The following KLHL10 variants were observed in gnomAD, a reference collection of about 807,000 sequenced individuals.
The protein encoded by KLHL10 is kelch-like protein 10.
KLHL10 carries 11 observed loss-of-function variants against 46.6 expected under a neutral mutation model. That is an observed-to-expected ratio of 0.24 (90% CI 0.15 to 0.39). The LOEUF is 0.39. KLHL10 is among the 10% of genes least tolerant of loss of function. The pLI, the probability that KLHL10 is intolerant of heterozygous loss-of-function variation, is 1.00. For missense variants in KLHL10, 475 were observed against 789.8 expected (o/e 0.60, Z 4.78); for synonymous variants, 254 against 279.1 (o/e 0.91, Z 0.90).
rs1555621661 is a variant in KLHL10 at position 41,848,018 on chromosome 17, T to C, written c.1538T>C (p.Met513Thr). The change falls in exon 5 of 5, where the codon ATG becomes ACG. Residue 513 changes from methionine (M) to threonine (T), a missense_variant. By Grantham distance (81) the Met-to-Thr change is moderately conservative. Coordinates refer to ENST00000293303, the MANE Select transcript of KLHL10 (RefSeq NM_152467.5). ...AACACTTGGCGCACAATCCCCACTA[T>C]GTTTAATCCTCGTAGCAATTTTGGC... ...VANTWRTIPT[M>T]FNPRSNFGIE... 1.9e-6 allele frequency: 3 copies of C among 1,614,116 alleles called. No individual in the cohort carries two copies. Among genetic ancestry groups the C allele is most frequent in the Non-Finnish European group, 1.7e-6 (2 of 1,180,044 alleles).
intron 1 of KLHL10, among the ~76,000 whole-genome samples, chr17:41,841,359 G>A (rs781877631): frequency 3.3e-5 from 5 of 152,104 alleles, no homozygotes; most frequent in Admixed American, 6.6e-5. Flanking sequence ...GTGTCCCCCA[G>A]GCTGGAGTGT....
At chr17:41,846,012 C>T (rs2048281026) in intron 3 of KLHL10, among the ~76,000 whole-genome samples, 1 of 151,876 alleles carries the variant, frequency 6.6e-6, no homozygotes, top group African/African-American at 2.4e-5. Flanking sequence ...GAGTTCAAGA[C>T]CAGCCTGGCC....
In KLHL10 at chr17:41,842,019, T is replaced by C. The variant is rs1429940914; in HGVS notation, c.391T>C (p.Phe131Leu). Residue 131 changes from phenylalanine to leucine, a missense_variant, in exon 2 of 5, where the codon TTC becomes CTC. Coordinates refer to ENST00000293303, the MANE Select transcript of KLHL10 (RefSeq NM_152467.5). Reference sequence around the variant, plus strand: ...GGGTATCGTCAGGGGTTGCTGCGAGTTCCTCAAGTCAGAGCTGTGCTTGGA... The same window carrying C: ...GGGTATCGTCAGGGGTTGCTGCGAGCTCCTCAAGTCAGAGCTGTGCTTGGA... Reference protein sequence around the residue: ...IMGIVRGCCEFLKSELCLDNC... With the variant: ...IMGIVRGCCELLKSELCLDNC... The C allele has an allele frequency of 6.2e-7, 1 of 1,613,968 alleles. No homozygotes were observed. The highest frequency in any genetic ancestry group is 1.3e-5 in the African/African-American group (1 of 74,886).
chr17:41,847,143 A>G, intron 3 of KLHL10, 118 bp from the exon 4 acceptor site: 1 of 924,138 alleles, frequency 1.1e-6, no homozygotes, highest in Non-Finnish European at 1.8e-6. Flanking sequence ...TGCACATACA[A>G]AAAAAAGAAA....
upstream of KLHL10, chr17:41,835,909 C>A (rs868954214): frequency 6.2e-7 from 1 of 1,607,840 alleles, no homozygotes; most frequent in Non-Finnish European, 8.5e-7. Flanking sequence ...ATCTCCTGCA[C>A]CCGCCCAGGC....
intron 2 of KLHL10, 56 bp downstream of exon 2, chr17:41,842,368 T>G: frequency 6.2e-7 from 1 of 1,606,226 alleles, no homozygotes; most frequent in African/African-American, 1.3e-5. Context: ...AAAGCAAAAT[T>G]CAGACATATG....
intron 2 of KLHL10, among the ~76,000 whole-genome samples, chr17:41,843,125 CAAAA>C (rs34537711): frequency 8.1e-6 from 1 of 123,130 alleles, no homozygotes. Flanking sequence ...GACCCTGTCT[CAAAA>C]AAAAAAAAAA....
rs36065902 is a variant in KLHL10, at chr17:41,841,870, A to T, written c.242A>T (p.Asn81Ile). 651 of 1,614,200 alleles carry T rather than the reference A, an allele frequency of 4.0e-4. 2 individuals are homozygous for T. The highest frequency in any genetic ancestry group is 1.5e-3 in the Middle Eastern group (9 of 6,062). The change falls in exon 2 of 5, where the codon AAC becomes ATC. Residue 81 changes from asparagine (N) to isoleucine (I), a missense_variant. Physicochemically the swap from Asn to Ile is moderately radical, Grantham distance 149 (BLOSUM62 -3). Coordinates refer to ENST00000293303, the MANE Select transcript of KLHL10 (RefSeq NM_152467.5). The stretch of plus-strand genomic sequence containing the variant: ...AACAACACTGAAAAGAAGGTATACA[A>T]CATCCCTGGCATTTCTCCCGACATG... ...GWNNTEKKVY[N>I]IPGISPDMMK...
Position 41,848,205 on chromosome 17 carries a change from G to A in KLHL10, c.1725G>A (p.Leu575=), listed in dbSNP as rs183884459. 41 of 1,614,124 alleles carry A rather than the reference G, an allele frequency of 2.5e-5. No homozygotes were observed. The Admixed American group carries it at 6.7e-4, about 26-fold the overall frequency. ...SALSCCVVPG[L]ANVEEYAARR... ...TGAGCTGCTGTGTAGTACCAGGGCTGGCCAATGTTGAGGAATATGCAGCTA... is the reference window on the plus strand; with the variant it reads ...TGAGCTGCTGTGTAGTACCAGGGCTAGCCAATGTTGAGGAATATGCAGCTA... Residue 575 remains leucine, a synonymous_variant, in exon 5 of 5, where the codon CTG becomes CTA. Transcript: ENST00000293303.
intron 1 of KLHL10, among the ~76,000 whole-genome samples, chr17:41,840,956 T>C (rs1555620653): frequency 2.0e-5 from 3 of 151,906 alleles, no homozygotes; most frequent in Admixed American, 1.3e-4. Flanking sequence ...CTGGCCAACA[T>C]GGTGAAATCG....
At chr17:41,841,095 A>G (rs1456079129) in intron 1 of KLHL10, among the ~76,000 whole-genome samples, 1 of 151,810 alleles carries the variant, frequency 6.6e-6, no homozygotes, top group African/African-American at 2.4e-5. Flanking sequence ...AGCCAAGATC[A>G]TGCCATTGCA....
intron 1 of KLHL10, 86 bp from the exon 2 acceptor site, chr17:41,841,737 A>C: frequency 6.6e-7 from 1 of 1,522,910 alleles, no homozygotes; most frequent in East Asian, 2.3e-5. Flanking sequence ...ACATGCCTGC[A>C]CCCCACTTTC....
chr17:41,837,561 A>G (rs1597930568), upstream of KLHL10: 1 of 1,063,518 alleles, frequency 9.4e-7, no homozygotes, highest in East Asian at 7.3e-5. Context: ...AGGTAGATGA[A>G]TGCTCCAGGG....
At chr17:41,837,028 C>T (rs1020370455), upstream of KLHL10, among the ~76,000 whole-genome samples, 6 of 152,174 alleles carry the variant, frequency 3.9e-5, no homozygotes, top group Non-Finnish European at 5.9e-5. Context: ...GGGCACGGTG[C>T]GGAGCACTTG....
intron 1 of KLHL10, among the ~76,000 whole-genome samples, chr17:41,841,339 G>A (rs1397081403): frequency 6.6e-6 from 1 of 152,018 alleles, no homozygotes; most frequent in Admixed American, 6.6e-5. Context: ...TTTTCAGACA[G>A]AGTCTCGCTG....
intron 1 of KLHL10, among the ~76,000 whole-genome samples, chr17:41,840,005 G>A (rs532909788): frequency 4.0e-5 from 6 of 151,858 alleles, no homozygotes; most frequent in African/African-American, 7.3e-5. Flanking sequence ...TCAGCCTCCC[G>A]AGTAGCTGGG....
chr17:41,847,584 C>T (rs1383491974), intron 4 of KLHL10, among the ~76,000 whole-genome samples, 174 bp downstream of exon 4: 1 of 151,968 alleles, frequency 6.6e-6, no homozygotes, highest in East Asian at 1.9e-4. Flanking sequence ...CGGCTCACTG[C>T]AAGCTCTGCC....
intron 1 of KLHL10, 115 bp from the exon 2 acceptor site, chr17:41,841,708 C>T: frequency 8.3e-7 from 1 of 1,206,198 alleles, no homozygotes; most frequent in Non-Finnish European, 1.2e-6. Context: ...AGGTGTTCTT[C>T]TTGTCCACTG....
At position 41,847,338 on chromosome 17, in the gene KLHL10, GAC is replaced by G. The variant is rs1160392936; in HGVS notation, c.1382_1383del (p.Thr461SerfsTer28). ...EVYNTESNQW[T>X]VIAPMRSRRS... ...TGTATAACACTGAAAGTAATCAGTG[GAC>G]AGTCATAGCACCCATGAGAAGCAGG... On this transcript the variant is annotated frameshift_variant, in exon 4 of 5. Transcript: ENST00000293303. LOFTEE classifies it high-confidence loss of function. 2 of 1,613,546 alleles carry G rather than the reference GAC, an allele frequency of 1.2e-6. No homozygotes were observed. Among genetic ancestry groups the G allele is most frequent in the Non-Finnish European group, 1.7e-6 (2 of 1,179,684 alleles).
Sources: allele counts gnomAD v4.1 joint callset (sites outside exome capture counted in the v4.1 genomes callset), GRCh38; gene constraint gnomAD v4.1.1; transcripts MANE v1.5; gene names NCBI Gene and HGNC (gene_info 2026-07-23, HGNC 2026-07-21).